LIMCH1: variants seen among roughly 807,000 people sequenced by gnomAD.
The protein encoded by LIMCH1 is LIM and calponin homology domains 1, also known as LIM and calponin homology domains-containing protein 1.
LIMCH1 carries 113 observed loss-of-function variants against 176.5 expected under a neutral mutation model. That is an observed-to-expected ratio of 0.64 (90% confidence interval 0.55 to 0.75). LIMCH1 has a LOEUF of 0.75. Among genes scored for constraint, LIMCH1 ranks in the 30% least tolerant of loss-of-function variants. The probability of loss-of-function intolerance (pLI) is 0.00; values close to 1 mark genes in which losing one functional copy is unlikely to be tolerated. For missense variants in LIMCH1, 1,674 were observed against 1,814.9 expected (o/e 0.92, Z 1.41); for synonymous variants, 619 against 645.9 (o/e 0.96, Z 0.63).
At chr4:41,544,073 A>C (rs1310847582) in intron 1 of LIMCH1, among the ~76,000 whole-genome samples, 2 of 152,112 alleles carry the variant, frequency 1.3e-5, no homozygotes, top group Non-Finnish European at 1.5e-5. Context: ...TTTATATTTC[A>C]GATACCCCCC....
intron 1 of LIMCH1, among the ~76,000 whole-genome samples, chr4:41,464,480 G>A (rs1182128493): frequency 6.6e-6 from 1 of 150,650 alleles, no homozygotes; most frequent in Non-Finnish European, 1.5e-5. Context: ...AGGTTCAAGC[G>A]ATTCTCCTGC....
intron 1 of LIMCH1, among the ~76,000 whole-genome samples, chr4:41,576,436 ACTTCT>A (rs368188666): frequency 2.6e-4 from 39 of 152,300 alleles, no homozygotes; most frequent in African/African-American, 8.9e-4. Context: ...TGACTAAGCA[ACTTCT>A]CTTCTAAGTG....
chr4:41,444,345 CACACACACAT>C (rs1230702266), intron 1 of LIMCH1, among the ~76,000 whole-genome samples: 6 of 143,400 alleles, frequency 4.2e-5, no homozygotes, highest in South Asian at 4.4e-4. Flanking sequence ...CACACACACA[CACACACACAT>C]ATATAGAGTG....
At chr4:41,493,891 G>C (rs1458609543) in intron 1 of LIMCH1, among the ~76,000 whole-genome samples, 1 of 152,116 alleles carries the variant, frequency 6.6e-6, no homozygotes, top group Non-Finnish European at 1.5e-5. Context: ...TATTATTAAT[G>C]GATATTGGCT....
intron 1 of LIMCH1, among the ~76,000 whole-genome samples, chr4:41,380,127 C>T (rs2055424258): frequency 6.6e-6 from 1 of 151,940 alleles, no homozygotes; most frequent in South Asian, 2.1e-4. Context: ...TTAAACACCA[C>T]CACTACCACC....
rs2152818887 is a variant in LIMCH1 at position 41,619,302 on chromosome 4, T to C, written c.320T>C (p.Phe107Ser). ...GGTGAGCCGAAATCAGCAGTGCCTT[T>C]TAACCAGTACCTCCCGAACAAAAGC... is the stretch of plus-strand genomic sequence containing the variant. The part of the protein sequence containing the change: ...SHGEPKSAVP[F>S]NQYLPNKSNQ... The change falls in exon 6 of 32, where the codon TTT (phenylalanine) becomes TCT (serine). Residue 107 changes from phenylalanine to serine, a missense_variant. This residue lies in a region of LIMCH1 where 655 missense variants were observed against 692.2 expected (regional missense o/e 0.95). Coordinates refer to ENST00000503057, the MANE Select transcript of LIMCH1 (RefSeq NM_001330672.2). 1 of 1,614,178 alleles carries C rather than the reference T, an allele frequency of 6.2e-7. No homozygotes were observed. Among genetic ancestry groups the C allele is most frequent in the South Asian group, 1.1e-5 (1 of 91,074 alleles).
At chr4:41,619,495 A>G (rs1299198493) in intron 6 of LIMCH1, 55 bp downstream of exon 6, 3 of 1,593,422 alleles carry the variant, frequency 1.9e-6, no homozygotes, top group Non-Finnish European at 2.6e-6. Context: ...TGGTTTGGGA[A>G]CTGCAGCTCC....
intron 1 of LIMCH1, among the ~76,000 whole-genome samples, chr4:41,586,792 G>A (rs1248313012): frequency 2.0e-5 from 3 of 152,136 alleles, no homozygotes; most frequent in African/African-American, 7.2e-5. Context: ...CCTCAAATGA[G>A]CTTGAATGTC....
intron 20 of LIMCH1, among the ~76,000 whole-genome samples, chr4:41,664,437 C>T (rs371697387): frequency 3.3e-5 from 5 of 152,092 alleles, no homozygotes; most frequent in African/African-American, 9.7e-5. Context: ...TGCCTTGATG[C>T]GTTTTCAATA....
chr4:41,587,987 A>G (rs941144262), intron 1 of LIMCH1, among the ~76,000 whole-genome samples: 4 of 152,100 alleles, frequency 2.6e-5, no homozygotes, highest in Admixed American at 1.3e-4. Flanking sequence ...CACAATGTGC[A>G]GGTTAGTTAC....
At chr4:41,383,219 G>A (rs2055979938) in intron 1 of LIMCH1, among the ~76,000 whole-genome samples, 1 of 152,168 alleles carries the variant, frequency 6.6e-6, no homozygotes, top group African/African-American at 2.4e-5. Flanking sequence ...TGGTCTGGAG[G>A]TAGGTGCTTG....
At chr4:41,472,981 T>A (rs80023180) in intron 1 of LIMCH1, 13 of 219,940 alleles carry the variant, frequency 5.9e-5, no homozygotes, top group Non-Finnish European at 9.3e-5. Context: ...GCTGTAAGCC[T>A]TTTTTTTTTT....
intron 2 of LIMCH1, among the ~76,000 whole-genome samples, chr4:41,499,456 G>A (rs1467851802): frequency 1.3e-5 from 2 of 152,158 alleles, no homozygotes; most frequent in Non-Finnish European, 2.9e-5. Context: ...ATATAGTAAC[G>A]TTTAAAGCAT....
rs1585059708 is a variant in LIMCH1 at position 41,629,562 on chromosome 4, G to A, written c.1099G>A (p.Val367Met). The A allele has an allele frequency of 2.6e-6, 4 of 1,536,140 alleles. No homozygotes were observed. The South Asian group carries it at 3.6e-5, about 14-fold the overall frequency. Residue 367 changes from valine (V) to methionine (M), a missense_variant, in exon 9 of 32, where the codon GTG (valine) becomes ATG (methionine). Transcript: ENST00000503057. ...CATGAGGGCTCAGGAAAGTGAACCT[G>A]TGGAAGGAGGACTCAGGAAGGTGCC... ...CNMRAQESEP[V>M]EGGLRKVPDL...
chr4:41,362,962 G>A (rs767248801), intron 1 of LIMCH1, among the ~76,000 whole-genome samples: 7 of 152,152 alleles, frequency 4.6e-5, no homozygotes, highest in Admixed American at 6.5e-5. Flanking sequence ...TGGGGCATGC[G>A]TGGCTTTAGG....
At chr4:41,672,453 C>T (rs2095079148) in intron 22 of LIMCH1, among the ~76,000 whole-genome samples, 2 of 152,132 alleles carry the variant, frequency 1.3e-5, no homozygotes, top group South Asian at 4.2e-4. Context: ...TTTAAATGTA[C>T]CTCATTTTTT....
At chr4:41,470,755 C>T (rs577595247) in intron 1 of LIMCH1, among the ~76,000 whole-genome samples, 126 of 152,124 alleles carry the variant, frequency 8.3e-4, no homozygotes, top group African/African-American at 2.8e-3. Flanking sequence ...GGTTGGCTGG[C>T]CCTAGGATTC....
At position 41,563,753 on chromosome 4, in the gene LIMCH1, C is replaced by T. The variant is rs113429476; in HGVS notation, c.-241+25403C>T. Among the ~76,000 whole-genome samples, 919 of 152,288 alleles carry T rather than the reference C, an allele frequency of 6.0e-3. 11 individuals carry two copies. Among genetic ancestry groups the T allele is most frequent in the African/African-American group, 0.021 (881 of 41,564 alleles). ...CTCTCATTTTTCCCTACAAATCACC[C>T]GCCTTTTCCTCTTAGCCAGGTATTA... On this transcript the variant is annotated intron_variant, in intron 1 of 31. Transcript: ENST00000503057.
intron 1 of LIMCH1, among the ~76,000 whole-genome samples, chr4:41,367,682 TCCAAAAAAAAAAAAA>T (rs1211922066): frequency 4.9e-5 from 3 of 60,908 alleles, no homozygotes; most frequent in African/African-American, 2.1e-4. Flanking sequence ...CTACTAAAAA[TCCAAAAAAAAAAAAA>T]AAAAAAAAAG....
Sources: gnomAD v4.1 joint callset for allele counts (sites outside exome capture counted in the v4.1 genomes callset) on GRCh38, gnomAD v4.1.1 for gene constraint, gnomAD v4.1.1 regional missense constraint, MANE v1.5 for transcripts, NCBI Gene and HGNC (gene_info 2026-07-23, HGNC 2026-07-21) for gene names.